The following VAV2 variants were observed in gnomAD, a reference collection of about 807,000 sequenced individuals.
The protein encoded by VAV2 is vav guanine nucleotide exchange factor 2, also known as guanine nucleotide exchange factor VAV2.
A neutral mutation model predicts 132.5 loss-of-function variants in VAV2; 67 were observed. That is an observed-to-expected ratio of 0.51 (90% CI 0.42 to 0.62). The LOEUF is 0.62. Ranked by LOEUF, VAV2 falls within the 20% of genes least tolerant of loss-of-function variation. The probability of loss-of-function intolerance (pLI) is 0.00; values close to 1 mark genes in which losing one functional copy is unlikely to be tolerated. For synonymous variants in VAV2, 492 were observed against 443.5 expected, an observed-to-expected ratio of 1.11 and a Z score of -1.37; for missense variants, 938 against 1,153.6, an observed-to-expected ratio of 0.81 and a Z score of 2.71.
At position 133,802,447 on chromosome 9, in the gene VAV2, AGT is replaced by A. The variant is rs768492027; in HGVS notation, c.836+3632_836+3633del. Among the ~76,000 whole-genome samples, 78 of 150,248 alleles carry A rather than the reference AGT, an allele frequency of 5.2e-4. No individual in the cohort carries two copies. The highest frequency in any genetic ancestry group is 1.3e-4 in the Non-Finnish European group (9 of 67,392). On this transcript the variant is annotated intron_variant, in intron 9 of 29. Transcript: ENST00000371850. This position sits in a 1 kb window ranked among gnomAD's most constrained non-coding sequence, Gnocchi z 5.8. ...TCCGGCTGACTCCTCCCCTGGAGAA[AGT>A]TGTTCAGGCGCAAATGATTTCTGTC...
chr9:133,807,044 C>T (rs1835176425), intron 8 of VAV2, among the ~76,000 whole-genome samples: 1 of 152,238 alleles, frequency 6.6e-6, no homozygotes, highest in African/African-American at 2.4e-5. Flanking sequence ...TGCCCTCACC[C>T]GCAGACAAGC....
At chr9:133,855,634 C>T (rs1180248663) in intron 3 of VAV2, among the ~76,000 whole-genome samples, 2 of 152,286 alleles carry the variant, frequency 1.3e-5, no homozygotes, top group African/African-American at 2.4e-5. Context: ...GCCTGCCACC[C>T]GCCACCAGCT....
chr9:133,792,086 C>T (rs1329901616), intron 12 of VAV2, among the ~76,000 whole-genome samples: 1 of 114,142 alleles, frequency 8.8e-6, no homozygotes, highest in Non-Finnish European at 1.7e-5. Flanking sequence ...TGTGAGACAG[C>T]ATGTGTGTGT....
Position 133,811,398 on chromosome 9 carries a change from A to G in VAV2, c.552+716T>C, listed in dbSNP as rs566445036. Among the ~76,000 whole-genome samples, 5 of 152,304 alleles carry G rather than the reference A, an allele frequency of 3.3e-5. No individual in the cohort carries two copies. In the East Asian group the frequency reaches 5.8e-4, roughly 18 times the overall value. On this transcript the variant is annotated intron_variant, in intron 5 of 29. Transcript: ENST00000371850. Reference sequence around the variant, plus strand: ...AAATCAGCTTTCTGAGAAATTTCCTATTTCTTTGGGGGAAGCCAATGGCAT... The same window carrying G: ...AAATCAGCTTTCTGAGAAATTTCCTGTTTCTTTGGGGGAAGCCAATGGCAT...
chr9:133,905,824 C>T (rs796940931), intron 2 of VAV2, among the ~76,000 whole-genome samples: 2 of 151,978 alleles, frequency 1.3e-5, no homozygotes, highest in South Asian at 2.1e-4. Flanking sequence ...ATCACTTGAG[C>T]CCAAGAGTTC....
chr9:133,982,402 C>T (rs1460524962), intron 1 of VAV2, among the ~76,000 whole-genome samples: 1 of 125,898 alleles, frequency 7.9e-6, no homozygotes, highest in Non-Finnish European at 1.8e-5. Context: ...GCCAACCAGG[C>T]TGGCAGGGCA....
rs555228376 is a variant in VAV2, at chr9:133,819,428, G to A, written c.450-7212C>T. ...CGCGTCACTGCACTCCAGCCTGGGCGACAGAGCGAGGCTCCGTCTCAAAAA... is the reference window on the plus strand; with the variant it reads ...CGCGTCACTGCACTCCAGCCTGGGCAACAGAGCGAGGCTCCGTCTCAAAAA... On this transcript the variant is annotated intron_variant, in intron 4 of 29. Transcript: ENST00000371850. 3.3e-3 allele frequency among the ~76,000 whole-genome samples: 498 copies of A among 149,658 alleles called. 2 individuals are homozygous for A. Among genetic ancestry groups the A allele is most frequent in the African/African-American group, 0.012 (475 of 40,134 alleles).
chr9:133,917,653 A>G (rs1840146579), intron 2 of VAV2, among the ~76,000 whole-genome samples: 1 of 152,116 alleles, frequency 6.6e-6, no homozygotes, highest in South Asian at 2.1e-4. Context: ...AGAGAGTGCC[A>G]TCCTCCCCTT....
In VAV2 at chr9:133,912,607, C is replaced by T. The variant is rs1326475255; in HGVS notation, c.321+26496G>A. ...GTTGCTTCTCTGCCCATTTCAATCGCGGAACACAAATTACACGTGTGATGC... is the reference window on the plus strand; with the variant it reads ...GTTGCTTCTCTGCCCATTTCAATCGTGGAACACAAATTACACGTGTGATGC... On this transcript the variant is annotated intron_variant, in intron 2 of 29. Coordinates refer to ENST00000371850, the MANE Select transcript of VAV2 (RefSeq NM_001134398.2). This position sits in a 1 kb window ranked among gnomAD's most constrained non-coding sequence, Gnocchi z 4.3. Among the ~76,000 whole-genome samples, 1 of 152,112 alleles carries T rather than the reference C, an allele frequency of 6.6e-6. No individual in the cohort carries two copies. The highest frequency in any genetic ancestry group is 1.5e-5 in the Non-Finnish European group (1 of 68,026).
intron 2 of VAV2, among the ~76,000 whole-genome samples, chr9:133,905,956 C>G (rs1839635340): frequency 6.6e-6 from 1 of 152,132 alleles, no homozygotes; most frequent in African/African-American, 2.4e-5. Context: ...AGGAGGATCT[C>G]TTGAGCCTGG....
At chr9:133,938,850 C>T (rs1023776144) in intron 2 of VAV2, among the ~76,000 whole-genome samples, 1 of 152,198 alleles carries the variant, frequency 6.6e-6, no homozygotes, top group Non-Finnish European at 1.5e-5. Flanking sequence ...GAATTCGTCA[C>T]GCCTGGCCTC....
rs866093863 is a variant in VAV2, at chr9:133,827,212, G to A, written c.449+7060C>T. Among the ~76,000 whole-genome samples the A allele has an allele frequency of 4.8e-3, 588 of 123,634 alleles. 29 individuals are homozygous for A. The highest frequency in any genetic ancestry group is 0.016 in the African/African-American group (493 of 31,642). The allele number at this position is 123,634 out of a possible 152,430, so 81.1% of individuals were successfully genotyped here. On this transcript the variant is annotated intron_variant, in intron 4 of 29. Coordinates refer to ENST00000371850, the MANE Select transcript of VAV2 (RefSeq NM_001134398.2). ...GGGCTGACCACTGAGCATGGGCATC[G>A]CCAGCTACTGCTGTGCCCACTGGGG...
At position 133,926,048 on chromosome 9, in the gene VAV2, G is replaced by A. The variant is rs1840469678; in HGVS notation, c.321+13055C>T. On this transcript the variant is annotated intron_variant, in intron 2 of 29. Coordinates refer to ENST00000371850, the MANE Select transcript of VAV2 (RefSeq NM_001134398.2). This position sits in a 1 kb window ranked among gnomAD's most constrained non-coding sequence, Gnocchi z 4.3. ...AAAAAAGCATGCACCAGTTGCACCAGGACCAGCTAAGAAAATGCAAGCTCT... is the reference window on the plus strand; with the variant it reads ...AAAAAAGCATGCACCAGTTGCACCAAGACCAGCTAAGAAAATGCAAGCTCT... 7.0e-6 allele frequency: 1 copy of A among 142,682 alleles called. No homozygotes were observed. The highest frequency in any genetic ancestry group is 1.5e-5 in the Non-Finnish European group (1 of 66,380). 8.8% of individuals were successfully genotyped at this position (142,682 alleles called of 1,614,324 possible). A position where few individuals can be genotyped will look rare whatever the true frequency, so the allele number is the denominator to read the frequency against.
chr9:133,927,499 T>C (rs186274779), intron 2 of VAV2, among the ~76,000 whole-genome samples: 518 of 152,258 alleles, frequency 3.4e-3, no homozygotes, highest in Non-Finnish European at 5.8e-3. Flanking sequence ...CTGGGAAAAC[T>C]GGATATCCAT....
chr9:133,967,441 T>C (rs530456386), intron 1 of VAV2, among the ~76,000 whole-genome samples: 2 of 152,242 alleles, frequency 1.3e-5, no homozygotes, highest in Non-Finnish European at 2.9e-5. Context: ...GTTTGAGATA[T>C]ATCTGCACTC....
At chr9:133,984,395 C>T (rs1312821454) in intron 1 of VAV2, among the ~76,000 whole-genome samples, 1 of 152,210 alleles carries the variant, frequency 6.6e-6, no homozygotes, top group Non-Finnish European at 1.5e-5. Context: ...ATGAGGATCA[C>T]GTGAGCCCAG....
intron 1 of VAV2, among the ~76,000 whole-genome samples, chr9:133,956,013 TTACTCGCAGAG>T (rs1841765115): frequency 2.0e-5 from 3 of 151,456 alleles, no homozygotes; most frequent in Admixed American, 2.0e-4. Context: ...CCTTCCCTGC[TTACTCGCAGAG>T]TCAAGACCTG....
At chr9:133,819,689 C>CCAT (rs1160955133) in intron 4 of VAV2, among the ~76,000 whole-genome samples, 6 of 152,172 alleles carry the variant, frequency 3.9e-5, no homozygotes, top group Non-Finnish European at 8.8e-5. Context: ...AGAGCACTGA[C>CCAT]CATCAGCCTG....
At chr9:133,822,093 C>T (rs971420335) in intron 4 of VAV2, among the ~76,000 whole-genome samples, 1 of 152,208 alleles carries the variant, frequency 6.6e-6, no homozygotes, top group Admixed American at 6.5e-5. Context: ...CCAACAACCT[C>T]GCCCACCTGC....
Sources: allele counts gnomAD v4.1 joint callset (sites outside exome capture counted in the v4.1 genomes callset), GRCh38; gene constraint gnomAD v4.1.1; non-coding constraint Gnocchi (gnomAD v3.1); transcripts MANE v1.5; gene names NCBI Gene and HGNC (gene_info 2026-07-23, HGNC 2026-07-21).